Variants in PCDH11X observed in about 807,000 individuals in gnomAD.
PCDH11X encodes the protein protocadherin 11 X-linked.
A neutral mutation model predicts 53.3 loss-of-function variants in PCDH11X; 18 were observed. That is an observed-to-expected ratio of 0.34 (90% confidence interval 0.23 to 0.50). The LOEUF (loss-of-function observed/expected upper bound fraction) is 0.50. Ranked by LOEUF, PCDH11X falls within the 20% of genes least tolerant of loss-of-function variation. PCDH11X has a pLI of 0.98. For synonymous variants in PCDH11X, 279 were observed against 393.3 expected (o/e 0.71, Z 3.44); for missense variants, 570 against 1,032.4 (o/e 0.55, Z 6.14).
chrX:92,230,455 T>A (rs868071169), intron 7 of PCDH11X, among the ~76,000 whole-genome samples: 3 of 85,296 alleles, frequency 3.5e-5, no homozygotes, highest in Admixed American at 3.2e-4. Flanking sequence ...TATATATAAT[T>A]TATAAAATAT....
intron 9 of PCDH11X, among the ~76,000 whole-genome samples, chrX:92,422,819 A>AT (rs887807250): frequency 1.4e-4 from 15 of 108,600 alleles, no homozygotes; most frequent in South Asian, 4.0e-4. Context: ...GCCAACGTCT[A>AT]TTTTTTTTAT....
chrX:92,505,152 C>CTTTTTT (rs58620449), intron 10 of PCDH11X, among the ~76,000 whole-genome samples: 101 of 64,187 alleles, frequency 1.6e-3, no homozygotes, highest in Middle Eastern at 0.01. Flanking sequence ...TTTCTTTTTT[C>CTTTTTT]TTTTTTTTTT....
At chrX:92,356,083 C>G (rs1218467600) in intron 8 of PCDH11X, among the ~76,000 whole-genome samples, 2 of 111,621 alleles carry the variant, frequency 1.8e-5, no homozygotes, top group Non-Finnish European at 3.8e-5. Context: ...CTTGTATTCC[C>G]CAGAGGGAAT....
At chrX:92,526,146 C>A (rs2074449946) in intron 10 of PCDH11X, among the ~76,000 whole-genome samples, 1 of 110,939 alleles carries the variant, frequency 9.0e-6, no homozygotes, top group Admixed American at 9.6e-5. Context: ...CATTTTTTTT[C>A]TTTTTTCTTC....
intron 6 of PCDH11X, among the ~76,000 whole-genome samples, chrX:91,920,004 GC>G (rs1941693408): frequency 9.0e-6 from 1 of 111,227 alleles, no homozygotes; most frequent in Non-Finnish European, 1.9e-5. Flanking sequence ...GATTATTTTT[GC>G]CCTTTACAGA....
At chrX:92,596,587 A>G (rs1340904282) in intron 10 of PCDH11X, among the ~76,000 whole-genome samples, 1 of 101,548 alleles carries the variant, frequency 9.8e-6, no homozygotes, top group Non-Finnish European at 2.0e-5. Flanking sequence ...CAGGATATAA[A>G]AGCCCAAGAC....
chrX:92,386,670 C>T (rs4021155), intron 8 of PCDH11X, among the ~76,000 whole-genome samples: 1,416 of 108,341 alleles, frequency 0.013, 23 homozygotes, highest in African/African-American at 0.045. Context: ...TGTACATATC[C>T]GGCACCTGAA....
At chrX:92,060,599 A>G (rs750704363) in intron 6 of PCDH11X, among the ~76,000 whole-genome samples, 131 of 109,419 alleles carry the variant, frequency 1.2e-3, no homozygotes, top group South Asian at 3.1e-3. Context: ...CTGTTCCTGC[A>G]TAAGTTCACT....
intron 6 of PCDH11X, among the ~76,000 whole-genome samples, chrX:92,122,599 C>T (rs762368082): frequency 1.8e-5 from 2 of 111,562 alleles, no homozygotes; most frequent in South Asian, 7.5e-4. Context: ...GAATGAAGGC[C>T]AAGTGATATT....
intron 7 of PCDH11X, among the ~76,000 whole-genome samples, chrX:92,210,304 T>A (rs1162720527): frequency 1.1e-5 from 1 of 91,871 alleles, no homozygotes; most frequent in Non-Finnish European, 2.1e-5. Flanking sequence ...AGTGGTGCGA[T>A]CTCAGCTCAC....
chrX:92,014,677 C>T (rs1283859976), intron 6 of PCDH11X, among the ~76,000 whole-genome samples: 1 of 111,868 alleles, frequency 8.9e-6, no homozygotes, highest in Non-Finnish European at 1.9e-5. Flanking sequence ...AAATGTGGCA[C>T]ATATACACCA....
At chrX:92,142,849 GTA>G (rs202066998) in intron 6 of PCDH11X, among the ~76,000 whole-genome samples, 1 of 107,416 alleles carries the variant, frequency 9.3e-6, no homozygotes. Context: ...TAAATTGTGT[GTA>G]TATATATATA....
chrX:91,930,910 A>T (rs1602514921), intron 6 of PCDH11X, among the ~76,000 whole-genome samples: 1 of 107,485 alleles, frequency 9.3e-6, no homozygotes, highest in South Asian at 4.2e-4. Flanking sequence ...TAAGCATAAA[A>T]TATATATGTA....
chrX:92,288,877 T>C (rs1464615676), intron 8 of PCDH11X, among the ~76,000 whole-genome samples: 5 of 109,686 alleles, frequency 4.6e-5, no homozygotes, highest in Admixed American at 9.8e-5. Flanking sequence ...AATTTTATAA[T>C]TGACCAAATT....
chrX:92,476,236 A>C (rs1207918786), intron 10 of PCDH11X, among the ~76,000 whole-genome samples: 1 of 111,663 alleles, frequency 9.0e-6, no homozygotes, highest in Non-Finnish European at 1.9e-5. Flanking sequence ...GGCCTCCCCA[A>C]CCACGTGGAA....
At chrX:92,143,254 T>C (rs771209955) in intron 6 of PCDH11X, among the ~76,000 whole-genome samples, 2 of 112,271 alleles carry the variant, frequency 1.8e-5, no homozygotes, top group Non-Finnish European at 3.8e-5. Context: ...GACTCCAAAC[T>C]GGGCAACAGA....
chrX:91,873,128 C>T (rs1299444529), intron 5 of PCDH11X, among the ~76,000 whole-genome samples: 1 of 107,183 alleles, frequency 9.3e-6, no homozygotes, highest in Non-Finnish European at 1.9e-5. Context: ...CTTTGTAGAA[C>T]TCTAAAAATC....
chrX:92,409,771 A>G (rs1239576792), intron 9 of PCDH11X, among the ~76,000 whole-genome samples: 3 of 112,211 alleles, frequency 2.7e-5, no homozygotes, highest in Middle Eastern at 4.7e-3. Flanking sequence ...TATTTGATTC[A>G]CATTTCTCTT....
intron 10 of PCDH11X, among the ~76,000 whole-genome samples, chrX:92,537,153 C>T (rs1160710722): frequency 9.1e-6 from 1 of 109,356 alleles, no homozygotes; most frequent in African/African-American, 3.3e-5. Flanking sequence ...TGTCTTTTAA[C>T]TTTGTTTATT....
Sources: allele counts gnomAD v4.1 joint callset (sites outside exome capture counted in the v4.1 genomes callset), GRCh38; gene constraint gnomAD v4.1.1; transcripts MANE v1.5; gene names NCBI Gene and HGNC (gene_info 2026-07-23, HGNC 2026-07-21).